The following BLK variants were observed in gnomAD, a reference collection of about 807,000 sequenced individuals.
BLK encodes BLK proto-oncogene, Src family tyrosine kinase, also known as tyrosine-protein kinase Blk.
BLK carries 64 observed loss-of-function variants against 61.8 expected under a neutral mutation model. That is an observed-to-expected ratio of 1.03 (90% confidence interval 0.85 to 1.27). The LOEUF is 1.27. Ranked by LOEUF, BLK falls within the 50% of genes most tolerant of loss-of-function variation. BLK has a pLI of 0.00. For missense variants in BLK, 853 were observed against 660.5 expected (o/e 1.29, Z -3.19); for synonymous variants, 351 against 272.0 (o/e 1.29, Z -2.86).
intron 1 of BLK, among the ~76,000 whole-genome samples, chr8:11,513,583 A>T (rs1799107954): frequency 6.6e-6 from 1 of 152,230 alleles, no homozygotes; most frequent in Non-Finnish European, 1.5e-5. Flanking sequence ...CTCAGAGATC[A>T]TCCACCCACA....
chr8:11,505,835 G>T (rs1020357562), intron 1 of BLK, among the ~76,000 whole-genome samples: 13 of 152,168 alleles, frequency 8.5e-5, no homozygotes, highest in African/African-American at 3.1e-4. Flanking sequence ...TGTCCCTGAG[G>T]ACTCCCTGGC....
chr8:11,548,854 C>T (rs1218705793), intron 4 of BLK, among the ~76,000 whole-genome samples, 170 bp from the exon 5 acceptor site: 1 of 152,230 alleles, frequency 6.6e-6, no homozygotes, highest in Non-Finnish European at 1.5e-5. Flanking sequence ...GCCCGGATAG[C>T]CACTGTACCA....
intron 1 of BLK, chr8:11,509,797 A>G (rs1267011380): frequency 6.6e-6 from 1 of 152,220 alleles, no homozygotes; most frequent in Non-Finnish European, 1.5e-5. Context: ...GATATAAACC[A>G]TCAATAACAC....
chr8:11,526,821 C>G (rs765936688), intron 1 of BLK, among the ~76,000 whole-genome samples: 6 of 152,174 alleles, frequency 3.9e-5, no homozygotes, highest in Non-Finnish European at 5.9e-5. Context: ...GAAAATCAGG[C>G]ACTACAATAA....
intron 1 of BLK, among the ~76,000 whole-genome samples, chr8:11,530,220 A>G (rs1799830263): frequency 6.6e-6 from 1 of 152,126 alleles, no homozygotes; most frequent in Non-Finnish European, 1.5e-5. Flanking sequence ...AAGTCTCTTG[A>G]GCCCAGCCAA....
intron 1 of BLK, among the ~76,000 whole-genome samples, chr8:11,534,103 G>A (rs1800013038): frequency 1.3e-5 from 2 of 152,224 alleles, no homozygotes; most frequent in Non-Finnish European, 2.9e-5. Flanking sequence ...TGCTGGGGCT[G>A]GGGTTGGGAG....
intron 1 of BLK, among the ~76,000 whole-genome samples, chr8:11,506,092 C>G (rs1052918417): frequency 1.3e-5 from 2 of 152,216 alleles, no homozygotes; most frequent in African/African-American, 4.8e-5. Flanking sequence ...GCACGTGGCT[C>G]TTCATCCTGG....
chr8:11,512,141 C>A (rs1799035060), intron 1 of BLK, among the ~76,000 whole-genome samples: 2 of 152,184 alleles, frequency 1.3e-5, no homozygotes, highest in Admixed American at 6.5e-5. Flanking sequence ...AGAAGGCAGA[C>A]ACGCAAGTTC....
At chr8:11,500,046 A>G (rs1318577050) in intron 1 of BLK, among the ~76,000 whole-genome samples, 4 of 152,194 alleles carry the variant, frequency 2.6e-5, no homozygotes, top group African/African-American at 9.7e-5. Context: ...GTGCTCACTA[A>G]GGATTAGTTC....
At chr8:11,541,569 C>G (rs1800383356) in intron 1 of BLK, among the ~76,000 whole-genome samples, 1 of 151,382 alleles carries the variant, frequency 6.6e-6, no homozygotes, top group African/African-American at 2.4e-5. Flanking sequence ...ATGATCTTGG[C>G]TCACTACAAC....
intron 1 of BLK, among the ~76,000 whole-genome samples, chr8:11,518,926 T>TTCTGGGAG (rs1443189184): frequency 4.6e-5 from 7 of 152,184 alleles, no homozygotes; most frequent in African/African-American, 1.7e-4. Context: ...GACTCCAGCA[T>TTCTGGGAG]ACGTCGCACT....
chr8:11,515,707 T>A (rs1034866804), intron 1 of BLK, among the ~76,000 whole-genome samples: 1 of 152,182 alleles, frequency 6.6e-6, no homozygotes, highest in African/African-American at 2.4e-5. Context: ...TAAAATGCAA[T>A]TTTCCCCGCC....
intron 1 of BLK, among the ~76,000 whole-genome samples, chr8:11,510,810 TAA>T (rs1206198360): frequency 2.1e-5 from 3 of 144,570 alleles, no homozygotes; most frequent in African/African-American, 4.9e-5. Context: ...AATAAATAAA[TAA>T]ATAAATACAT....
intron 1 of BLK, among the ~76,000 whole-genome samples, chr8:11,524,694 C>T (rs1799583801): frequency 6.6e-6 from 1 of 152,124 alleles, no homozygotes; most frequent in South Asian, 2.1e-4. Flanking sequence ...GACATTTTTG[C>T]AGCATGTTTA....
chr8:11,547,711 G>A (rs940018674), intron 3 of BLK, among the ~76,000 whole-genome samples: 6 of 152,230 alleles, frequency 3.9e-5, no homozygotes, highest in South Asian at 2.1e-4. Flanking sequence ...CACTATGTCC[G>A]AATGTGGGCC....
Position 11,519,292 on chromosome 8 carries a change from C to CTG in BLK, c.-1-23930_-1-23929dup. Among the ~76,000 whole-genome samples the CTG allele has an allele frequency of 2.0e-5, 3 of 152,338 alleles. No individual in the cohort carries two copies. The South Asian group carries it at 6.2e-4, about 32-fold the overall frequency. On this transcript the variant is annotated intron_variant, in intron 1 of 12. Transcript: ENST00000259089. ...CATGTGGGGCTGCTAGGAGCCAACA[C>CTG]TGTCACAGCGTTTCTGGACAGCAAT...
chr8:11,529,374 G>A (rs796714160), intron 1 of BLK, among the ~76,000 whole-genome samples: 52 of 152,254 alleles, frequency 3.4e-4, no homozygotes, highest in African/African-American at 1.2e-3. Context: ...GTGCTGATTG[G>A]TTGGGTCAGA....
intron 10 of BLK, 38 bp from the exon 11 acceptor site, chr8:11,561,264 C>A (rs4841561): frequency 6.3e-7 from 1 of 1,599,818 alleles, no homozygotes; most frequent in Non-Finnish European, 8.5e-7. Context: ...GGCGTGGAGG[C>A]CCCCAGGCTG....
intron 1 of BLK, among the ~76,000 whole-genome samples, chr8:11,510,241 C>A (rs977207033): frequency 6.6e-6 from 1 of 152,108 alleles, no homozygotes; most frequent in Non-Finnish European, 1.5e-5. Context: ...CTTTAAATTG[C>A]GTTTAAAGTC....
Sources: allele counts gnomAD v4.1 joint callset (sites outside exome capture counted in the v4.1 genomes callset), GRCh38; gene constraint gnomAD v4.1.1; transcripts MANE v1.5; gene names NCBI Gene and HGNC (gene_info 2026-07-23, HGNC 2026-07-21).